XRN2: variants seen among roughly 807,000 people sequenced by gnomAD.
XRN2 encodes the protein 5'-3' exoribonuclease 2.
A neutral mutation model predicts 138.5 loss-of-function variants in XRN2; 44 were observed. The observed-to-expected ratio is 0.32, with a 90% CI of 0.25 to 0.41. XRN2 has a LOEUF of 0.41. XRN2 is among the 10% of genes least tolerant of loss of function. The pLI, the probability that XRN2 is intolerant of heterozygous loss-of-function variation, is 1.00. For synonymous variants in XRN2, 354 were observed against 369.4 expected (o/e 0.96, Z 0.48); for missense variants, 937 against 1,169.3 (o/e 0.80, Z 2.90).
At chr20:21,337,273 G>A (rs560404240) in intron 13 of XRN2, among the ~76,000 whole-genome samples, 230 of 152,322 alleles carry the variant, frequency 1.5e-3, no homozygotes, top group Middle Eastern at 6.8e-3. Flanking sequence ...AGGGAGCCTG[G>A]ATGGTAGCAG....
chr20:21,311,367 A>G (rs1052705571), intron 1 of XRN2, among the ~76,000 whole-genome samples: 4 of 152,258 alleles, frequency 2.6e-5, no homozygotes, highest in Middle Eastern at 3.4e-3. Flanking sequence ...TTCTCTTAAC[A>G]TAGTGTTTTC....
intron 1 of XRN2, among the ~76,000 whole-genome samples, chr20:21,319,308 G>A (rs1178496498): frequency 6.6e-6 from 1 of 152,080 alleles, no homozygotes; most frequent in Non-Finnish European, 1.5e-5. Context: ...ATAACGCAGA[G>A]TTAGATCATG....
intron 22 of XRN2, 44 bp from the exon 23 acceptor site, chr20:21,356,542 T>G: frequency 6.4e-7 from 1 of 1,571,842 alleles, no homozygotes; most frequent in South Asian, 1.1e-5. Context: ...GAGTCCCAGT[T>G]TTCCATTCTT....
intron 27 of XRN2, among the ~76,000 whole-genome samples, chr20:21,372,743 T>C (rs2038776935): frequency 6.6e-6 from 1 of 152,214 alleles, no homozygotes; most frequent in Admixed American, 6.5e-5. Flanking sequence ...GATATATTCA[T>C]GTATTCACCA....
At chr20:21,366,526 C>T (rs1408586779) in intron 26 of XRN2, among the ~76,000 whole-genome samples, 4 of 149,836 alleles carry the variant, frequency 2.7e-5, no homozygotes, top group Non-Finnish European at 5.9e-5. Flanking sequence ...CACTGCACTC[C>T]AGCCTGGGCG....
chr20:21,312,360 C>G (rs2037893076), intron 1 of XRN2, among the ~76,000 whole-genome samples: 1 of 152,040 alleles, frequency 6.6e-6, no homozygotes, highest in South Asian at 2.1e-4. Flanking sequence ...TCCTGACTTC[C>G]TGGAATTACA....
At chr20:21,330,843 G>C in intron 6 of XRN2, 138 bp downstream of exon 6, 1 of 859,652 alleles carries the variant, frequency 1.2e-6, no homozygotes, top group Non-Finnish European at 1.7e-6. Flanking sequence ...AAAGCTTCCA[G>C]GGTTTTTGGA....
At chr20:21,322,497 A>T (rs1220603482) in intron 1 of XRN2, among the ~76,000 whole-genome samples, 1 of 152,046 alleles carries the variant, frequency 6.6e-6, no homozygotes, top group Non-Finnish European at 1.5e-5. Context: ...TCAGTGGGAT[A>T]CTCCTGTTGC....
intron 13 of XRN2, among the ~76,000 whole-genome samples, chr20:21,338,192 G>A (rs2038322018): frequency 6.6e-6 from 1 of 152,078 alleles, no homozygotes; most frequent in Non-Finnish European, 1.5e-5. Flanking sequence ...GGATCCACTG[G>A]CCCCTGTTTT....
At chr20:21,311,068 A>G (rs1030994505) in intron 1 of XRN2, among the ~76,000 whole-genome samples, 2 of 152,094 alleles carry the variant, frequency 1.3e-5, no homozygotes, top group African/African-American at 4.8e-5. Context: ...GCTTTTTTAT[A>G]CAGTTTGAGA....
Position 21,321,058 on chromosome 20 carries a change from C to G in XRN2, c.76-5221C>G, listed in dbSNP as rs138693348. The stretch of plus-strand genomic sequence containing the variant: ...TGAGACAGGGTCTCACTCTGTTGCC[C>G]AGGCTGGAGTGCAGTAGTGCGATCT... On this transcript the variant is annotated intron_variant, in intron 1 of 29. Coordinates refer to ENST00000377191, the MANE Select transcript of XRN2 (RefSeq NM_012255.5). Among the ~76,000 whole-genome samples the G allele has an allele frequency of 3.3e-3, 505 of 152,240 alleles. 4 individuals are homozygous for G. The highest frequency in any genetic ancestry group is 0.012 in the African/African-American group (486 of 41,534).
At chr20:21,324,494 G>A (rs1232685778) in intron 1 of XRN2, among the ~76,000 whole-genome samples, 2 of 102,960 alleles carry the variant, frequency 1.9e-5, no homozygotes, top group Non-Finnish European at 4.0e-5. Flanking sequence ...TACTGTATAT[G>A]TTCTTTTTTT....
At chr20:21,365,540 C>T (rs185425879) in intron 25 of XRN2, 33 bp from the exon 26 acceptor site, 1 of 1,613,048 alleles carries the variant, frequency 6.2e-7, no homozygotes, top group Admixed American at 1.7e-5. Context: ...GTTTTCATCC[C>T]TATTACTAAG....
At chr20:21,346,357 G>C in intron 16 of XRN2, 58 bp from the exon 17 acceptor site, 1 of 1,596,282 alleles carries the variant, frequency 6.3e-7, no homozygotes, top group Non-Finnish European at 8.6e-7. Flanking sequence ...TAAATTAGTA[G>C]ACAGCCTGTT....
intron 24 of XRN2, among the ~76,000 whole-genome samples, chr20:21,358,505 C>G (rs906027664): frequency 2.0e-5 from 3 of 152,156 alleles, no homozygotes; most frequent in Non-Finnish European, 4.4e-5. Context: ...GCAAACACAT[C>G]TCAGGTATTC....
In XRN2 at chr20:21,382,075, C is replaced by T; in HGVS notation, c.2648+18C>T. ...TTTGACAGGTAATATTAAAAGTAGACATGACTTTTAAATACTTTCTGACAC... is the reference window on the plus strand; with the variant it reads ...TTTGACAGGTAATATTAAAAGTAGATATGACTTTTAAATACTTTCTGACAC... On this transcript the variant is annotated intron_variant, in intron 28 of 29. Transcript: ENST00000377191. 1.3e-6 allele frequency: 2 copies of T among 1,597,186 alleles called. No individual in the cohort carries two copies. Among genetic ancestry groups the T allele is most frequent in the South Asian group, 1.1e-5 (1 of 88,572 alleles).
intron 24 of XRN2, among the ~76,000 whole-genome samples, chr20:21,361,567 T>G (rs375944974): frequency 2.0e-5 from 3 of 152,344 alleles, no homozygotes; most frequent in Admixed American, 6.5e-5. Flanking sequence ...TTCCTCTGCT[T>G]CTCAGAGCTT....
rs979330701 is a variant in XRN2 at position 21,386,938 on chromosome 20, A to C, written c.2719A>C (p.Asn907His). The C allele has an allele frequency of 1.2e-6, 2 of 1,614,082 alleles. No individual in the cohort carries two copies. The highest frequency in any genetic ancestry group is 1.7e-6 in the Non-Finnish European group (2 of 1,179,908). The change falls in exon 29 of 30, where the codon AAC (asparagine) becomes CAC (histidine). Residue 907 changes from asparagine to histidine, a missense_variant. By Grantham distance (68) the Asn-to-His change is moderately conservative. Coordinates refer to ENST00000377191, the MANE Select transcript of XRN2 (RefSeq NM_012255.5). ...LQTQNAAFQPNQYQMLAGPGG... is the reference protein window; with the variant it reads ...LQTQNAAFQPHQYQMLAGPGG... ...AACCCAGAATGCAGCCTTCCAGCCA[A>C]ACCAGTACCAGATGCTAGCTGGGCC...
At chr20:21,342,514 A>G (rs1160404396) in intron 15 of XRN2, among the ~76,000 whole-genome samples, 1 of 152,188 alleles carries the variant, frequency 6.6e-6, no homozygotes, top group Admixed American at 6.5e-5. Context: ...CTAAAGATAG[A>G]GTTTATATCT....
Sources: gnomAD v4.1 joint callset for allele counts (sites outside exome capture counted in the v4.1 genomes callset) on GRCh38, gnomAD v4.1.1 for gene constraint, MANE v1.5 for transcripts, NCBI Gene and HGNC (gene_info 2026-07-23, HGNC 2026-07-21) for gene names.